Variants in NR5A2 observed in about 807,000 individuals in gnomAD.
NR5A2 encodes CYP7A promoter-binding factor.
Under a neutral mutation model 62.7 loss-of-function variants are expected in NR5A2, and 26 were observed. That is an observed-to-expected ratio of 0.41 (90% CI 0.30 to 0.58). The LOEUF is 0.58. Among genes scored for constraint, NR5A2 ranks in the 20% least tolerant of loss-of-function variants. The probability of loss-of-function intolerance (pLI) is 0.22; values close to 1 mark genes in which losing one functional copy is unlikely to be tolerated. For missense variants in NR5A2, 541 were observed against 669.1 expected (o/e 0.81, Z 2.11); for synonymous variants, 246 against 241.7 (o/e 1.02, Z -0.16).
chr1:200,097,193 A>T (rs1279586807), intron 5 of NR5A2, among the ~76,000 whole-genome samples: 1 of 152,238 alleles, frequency 6.6e-6, no homozygotes, highest in Non-Finnish European at 1.5e-5. Context: ...CACACACAAG[A>T]TCAACACTTA....
At chr1:200,114,063 G>A (rs192465194) in intron 6 of NR5A2, among the ~76,000 whole-genome samples, 1 of 152,002 alleles carries the variant, frequency 6.6e-6, no homozygotes, top group East Asian at 1.9e-4. Context: ...TGCGTCTGTG[G>A]TCCCAGCTAC....
intron 3 of NR5A2, among the ~76,000 whole-genome samples, chr1:200,045,008 T>C (rs992352342): frequency 3.3e-5 from 5 of 152,072 alleles, no homozygotes; most frequent in African/African-American, 1.2e-4. Context: ...TGAGGTGTTT[T>C]GCTATTCAGT....
intron 7 of NR5A2, among the ~76,000 whole-genome samples, chr1:200,153,120 G>A (rs1004213929): frequency 2.6e-5 from 4 of 152,152 alleles, no homozygotes; most frequent in African/African-American, 9.7e-5. Flanking sequence ...CCTGGCTGGT[G>A]TTTTGCATGT....
chr1:200,033,588 AAAG>A (rs1661624982), intron 1 of NR5A2, among the ~76,000 whole-genome samples: 1 of 152,172 alleles, frequency 6.6e-6, no homozygotes, highest in Non-Finnish European at 1.5e-5. Context: ...ACAGGAATGG[AAAG>A]AAAATTGGTC....
At chr1:200,105,912 G>A (rs1406069119) in intron 5 of NR5A2, among the ~76,000 whole-genome samples, 1 of 152,052 alleles carries the variant, frequency 6.6e-6, no homozygotes, top group Non-Finnish European at 1.5e-5. Context: ...ATTTTAAAAA[G>A]CCTCTGCAAT....
At chr1:200,144,343 G>A (rs1402787904) in intron 7 of NR5A2, among the ~76,000 whole-genome samples, 1 of 151,874 alleles carries the variant, frequency 6.6e-6, no homozygotes, top group Non-Finnish European at 1.5e-5. Flanking sequence ...CCAAGTTTGT[G>A]TCTCACCATT....
In NR5A2 at chr1:200,175,514, C is replaced by A. The variant is rs1297003355; in HGVS notation, c.*1304C>A. 2 of 152,582 alleles carry A rather than the reference C, an allele frequency of 1.3e-5. No individual in the cohort carries two copies. The highest frequency in any genetic ancestry group is 4.8e-5 in the African/African-American group (2 of 41,432). The allele number at this position is 152,582 out of a possible 1,614,324, so 9.5% of individuals were successfully genotyped here. A position where few individuals can be genotyped will look rare whatever the true frequency, so the allele number is the denominator to read the frequency against. On this transcript the variant is annotated 3_prime_UTR_variant, in exon 8 of 8. Coordinates refer to ENST00000367362, the MANE Select transcript of NR5A2 (RefSeq NM_205860.3). ...TATCAGTATTATTAACATGCGATGCCACAGGTATGAAAGTCTTGCCTTATT... is the reference window on the plus strand; with the variant it reads ...TATCAGTATTATTAACATGCGATGCAACAGGTATGAAAGTCTTGCCTTATT...
At chr1:200,172,780 G>A (rs1469384104) in intron 7 of NR5A2, among the ~76,000 whole-genome samples, 2 of 152,196 alleles carry the variant, frequency 1.3e-5, no homozygotes, top group African/African-American at 4.8e-5. Context: ...AGTATATAGT[G>A]GGTATGAATT....
rs1261493806 is a variant in NR5A2, at chr1:200,176,772, G to C, written c.*2562G>C. The C allele has an allele frequency of 6.6e-6, 1 of 152,078 alleles. No homozygotes were observed. The highest frequency in any genetic ancestry group is 2.4e-5 in the African/African-American group (1 of 41,398). The allele number at this position is 152,078 out of a possible 1,614,324, so 9.4% of individuals were successfully genotyped here. A position where few individuals can be genotyped will look rare whatever the true frequency, so the allele number is the denominator to read the frequency against. ...CCTGCCTCAGCCTCCCCCATAGCTG[G>C]GACTAGGGGTGCATGCCAGCATACC... is the stretch of plus-strand genomic sequence containing the variant. On this transcript the variant is annotated 3_prime_UTR_variant, in exon 8 of 8. Transcript: ENST00000367362.
intron 6 of NR5A2, among the ~76,000 whole-genome samples, chr1:200,120,396 A>G (rs1666428054): frequency 6.6e-6 from 1 of 152,216 alleles, no homozygotes; most frequent in Non-Finnish European, 1.5e-5. Flanking sequence ...ATGTAATTTC[A>G]TAATATAAAA....
chr1:200,125,692 T>A (rs1162134656), intron 7 of NR5A2, among the ~76,000 whole-genome samples: 2 of 152,192 alleles, frequency 1.3e-5, no homozygotes, highest in African/African-American at 4.8e-5. Flanking sequence ...AAGAACATTA[T>A]CTTAAATTAT....
At chr1:200,044,432 T>G (rs1029649998) in intron 3 of NR5A2, 2 of 152,062 alleles carry the variant, frequency 1.3e-5, no homozygotes, top group African/African-American at 4.8e-5. Context: ...TAGTTTTTAA[T>G]ATAATAATTT....
intron 5 of NR5A2, among the ~76,000 whole-genome samples, chr1:200,064,808 T>C (rs968470591): frequency 3.9e-5 from 6 of 152,258 alleles, no homozygotes; most frequent in Non-Finnish European, 7.3e-5. Context: ...GTATCTTTTA[T>C]GTCCTTAGTT....
At chr1:200,163,629 AG>A (rs1192515938) in intron 7 of NR5A2, among the ~76,000 whole-genome samples, 2 of 151,960 alleles carry the variant, frequency 1.3e-5, no homozygotes, top group African/African-American at 4.8e-5. Flanking sequence ...CTATAGGCGC[AG>A]ACCATCACAC....
At chr1:200,083,381 G>A (rs952411031) in intron 5 of NR5A2, among the ~76,000 whole-genome samples, 3 of 152,138 alleles carry the variant, frequency 2.0e-5, no homozygotes, top group African/African-American at 7.2e-5. Context: ...TCAATACAAT[G>A]CTCATTTGAT....
intron 5 of NR5A2, among the ~76,000 whole-genome samples, chr1:200,089,208 T>TTTTGTTTTG (rs1664694569): frequency 6.6e-6 from 1 of 152,140 alleles, no homozygotes; most frequent in Non-Finnish European, 1.5e-5. Context: ...TTGGGTTTTG[T>TTTTGTTTTG]TTTGTTTTGT....
chr1:200,050,536 A>C (rs973842164), intron 5 of NR5A2, among the ~76,000 whole-genome samples: 1 of 152,122 alleles, frequency 6.6e-6, no homozygotes, highest in Non-Finnish European at 1.5e-5. Context: ...CAGATAAAGC[A>C]CCCAGTACCG....
intron 7 of NR5A2, among the ~76,000 whole-genome samples, chr1:200,164,384 G>A (rs1279342722): frequency 1.3e-5 from 2 of 152,178 alleles, no homozygotes; most frequent in Non-Finnish European, 2.9e-5. Flanking sequence ...AGCCTGAAGG[G>A]CTCTGACCAT....
At chr1:200,096,698 A>G (rs188852639) in intron 5 of NR5A2, among the ~76,000 whole-genome samples, 6 of 152,240 alleles carry the variant, frequency 3.9e-5, no homozygotes, top group African/African-American at 1.4e-4. Context: ...CGTGCACAGC[A>G]TAACGATGCT....
Sources: allele counts gnomAD v4.1 joint callset (sites outside exome capture counted in the v4.1 genomes callset), GRCh38; gene constraint gnomAD v4.1.1; transcripts MANE v1.5; gene names NCBI Gene and HGNC (gene_info 2026-07-23, HGNC 2026-07-21).